Variants in THSD1 observed in about 807,000 individuals in gnomAD.
THSD1 encodes the protein thrombospondin type-1 domain-containing protein 1.
In THSD1, 34 loss-of-function variants were observed where a neutral mutation model predicts 46.3. That is an observed-to-expected ratio of 0.74 (90% confidence interval 0.56 to 0.98). The LOEUF (loss-of-function observed/expected upper bound fraction) is 0.98, where lower values mean the gene tolerates loss of function less well. Ranked by LOEUF, THSD1 falls within the 50% of genes least tolerant of loss-of-function variation. The pLI, the probability that THSD1 is intolerant of heterozygous loss-of-function variation, is 0.00. For synonymous variants in THSD1, 407 were observed against 416.5 expected, an observed-to-expected ratio of 0.98 and a Z score of 0.28; for missense variants, 1,023 against 1,058.3, an observed-to-expected ratio of 0.97 and a Z score of 0.46.
At chr13:52,390,316 A>C (rs1056923967) in intron 3 of THSD1, among the ~76,000 whole-genome samples, 3 of 152,138 alleles carry the variant, frequency 2.0e-5, no homozygotes, top group Non-Finnish European at 4.4e-5. Context: ...GCACTACAAA[A>C]CATAAAACGT....
rs1236407856 is a variant in THSD1, at chr13:52,378,049, C to T, written c.1921G>A (p.Glu641Lys). 2 of 1,614,120 alleles carry T rather than the reference C, an allele frequency of 1.2e-6. No homozygotes were observed. Among genetic ancestry groups the T allele is most frequent in the Non-Finnish European group, 1.7e-6 (2 of 1,180,038 alleles). Reference protein sequence around the residue: ...RHVGSRGGPSERSHARNAHFR... With the variant: ...RHVGSRGGPSKRSHARNAHFR... ...TGGGCGTTCCTGGCATGGCTCCTTT[C>T]GGACGGGCCCCCTCTGCTGCCCACG... The change falls in exon 5 of 5, where the codon GAA becomes AAA. Residue 641 changes from glutamate (E) to lysine (K), a missense_variant. Glu to Lys is a moderately conservative substitution (Grantham distance 56). This residue lies in a region of THSD1 where 578 missense variants were observed against 497.4 expected (regional missense o/e 1.16). Coordinates refer to ENST00000258613, the MANE Select transcript of THSD1 (RefSeq NM_018676.4).
At chr13:52,385,998 G>A in intron 4 of THSD1, 30 bp downstream of exon 4, 1 of 1,607,308 alleles carries the variant, frequency 6.2e-7, no homozygotes, top group South Asian at 1.1e-5. Flanking sequence ...GCTCTGAGGA[G>A]AGACTCCCGA....
intron 4 of THSD1, among the ~76,000 whole-genome samples, chr13:52,381,752 A>G (rs985347210): frequency 5.9e-5 from 9 of 152,094 alleles, no homozygotes; most frequent in African/African-American, 2.2e-4. Context: ...CTCAGCACAT[A>G]AACATACTCA....
At position 52,383,846 on chromosome 13, in the gene THSD1, G is replaced by A. The variant is rs1000409012; in HGVS notation, c.1180+2182C>T. Reference sequence around the variant, plus strand: ...ATTTACAGTAGGGGCAGGCAAGTCTGTAGGACTTACCTTTTTGCTAACTTA... The same window carrying A: ...ATTTACAGTAGGGGCAGGCAAGTCTATAGGACTTACCTTTTTGCTAACTTA... On this transcript the variant is annotated intron_variant, in intron 4 of 4. Transcript: ENST00000258613. Among the ~76,000 whole-genome samples the A allele has an allele frequency of 2.0e-5, 3 of 152,310 alleles. No homozygotes were observed. In the South Asian group the frequency reaches 6.2e-4, roughly 32 times the overall value.
chr13:52,392,126 A>T (rs1174066787), intron 3 of THSD1, among the ~76,000 whole-genome samples: 1 of 140,182 alleles, frequency 7.1e-6, no homozygotes, highest in Non-Finnish European at 1.5e-5. Flanking sequence ...CAGGAGACGG[A>T]GCTTGCGGTG....
At chr13:52,390,422 A>T (rs1957765224) in intron 3 of THSD1, among the ~76,000 whole-genome samples, 1 of 152,198 alleles carries the variant, frequency 6.6e-6, no homozygotes. Flanking sequence ...GGATTTTCAC[A>T]AGAGTGGGAG....
At position 52,377,634 on chromosome 13, in the gene THSD1, G is replaced by T. The variant is rs150440372; in HGVS notation, c.2336C>A (p.Ser779Tyr). 148 of 1,610,394 alleles carry T rather than the reference G, an allele frequency of 9.2e-5. No individual in the cohort carries two copies. The highest frequency in any genetic ancestry group is 1.2e-4 in the Non-Finnish European group (144 of 1,177,076). ...GACCCTCTGGTAGTTATCTTTGGGG[G>T]ATATGGGAGAAGACTGCTTCCTTGA... Reference protein sequence around the residue: ...SVSRKQSSPISPKDNYQRVSS... With the variant: ...SVSRKQSSPIYPKDNYQRVSS... The change falls in exon 5 of 5, where the codon TCC becomes TAC. Residue 779 changes from serine (S) to tyrosine (Y), a missense_variant. This residue lies in a region of THSD1 where 578 missense variants were observed against 497.4 expected (regional missense o/e 1.16). Transcript: ENST00000258613.
chr13:52,392,574 A>C (rs1427447309), intron 3 of THSD1, among the ~76,000 whole-genome samples: 1 of 152,266 alleles, frequency 6.6e-6, no homozygotes, highest in East Asian at 1.9e-4. Flanking sequence ...CTCACACTAC[A>C]TAACAAACCT....
intron 4 of THSD1, among the ~76,000 whole-genome samples, chr13:52,380,157 G>T (rs534273124): frequency 6.6e-6 from 1 of 152,064 alleles, no homozygotes; most frequent in African/African-American, 2.4e-5. Context: ...TCATCAAAAT[G>T]CAGGCACCAC....
chr13:52,401,458 C>T (rs1305785346), intron 2 of THSD1, among the ~76,000 whole-genome samples: 1 of 151,756 alleles, frequency 6.6e-6, no homozygotes, highest in Admixed American at 6.6e-5. Context: ...GCCACCACAT[C>T]CGGCTAATTT....
chr13:52,378,974 T>C (rs1175145981), intron 4 of THSD1, among the ~76,000 whole-genome samples, 185 bp from the exon 5 acceptor site: 3 of 151,060 alleles, frequency 2.0e-5, no homozygotes, highest in Non-Finnish European at 4.4e-5. Flanking sequence ...ACAATTCTCC[T>C]GCCTCAGCCT....
chr13:52,386,249 C>A, intron 3 of THSD1, 63 bp from the exon 4 acceptor site: 1 of 1,513,452 alleles, frequency 6.6e-7, no homozygotes, highest in Non-Finnish European at 9.0e-7. Flanking sequence ...TTAACTGCAC[C>A]CAAATGAAAC....
chr13:52,402,921 C>T (rs1429709184), intron 1 of THSD1: 2 of 985,430 alleles, frequency 2.0e-6, no homozygotes, highest in South Asian at 4.7e-5. Context: ...ATTATCTTTG[C>T]ACAACACCAA....
chr13:52,398,948 G>A (rs1957832293), intron 2 of THSD1, among the ~76,000 whole-genome samples: 1 of 152,166 alleles, frequency 6.6e-6, no homozygotes, highest in Non-Finnish European at 1.5e-5. Context: ...ATTATTTACT[G>A]ATATTCAAGA....
chr13:52,381,479 C>T (rs1957691613), intron 4 of THSD1, among the ~76,000 whole-genome samples: 1 of 152,220 alleles, frequency 6.6e-6, no homozygotes, highest in African/African-American at 2.4e-5. Flanking sequence ...CAATCCACTT[C>T]CTTAGCACTC....
intron 1 of THSD1, among the ~76,000 whole-genome samples, chr13:52,404,339 C>A (rs1385914284): frequency 6.6e-6 from 1 of 152,050 alleles, no homozygotes; most frequent in Non-Finnish European, 1.5e-5. Context: ...ATTAAGAAGA[C>A]TGATTGAAAT....
chr13:52,397,351 GTCC>G lies in THSD1; in HGVS notation c.899_901del (p.Arg300del), dbSNP rs759845571. ...GTCAAACAAAGTACAGTTAAAAATT[GTCC>G]TCCTCTCTCCCAGGGGCAGGCTGTT... On this transcript the variant is annotated inframe_deletion, in exon 3 of 5. Transcript: ENST00000258613. 2 of 1,614,058 alleles carry G rather than the reference GTCC, an allele frequency of 1.2e-6. No individual in the cohort carries two copies. Among genetic ancestry groups the G allele is most frequent in the African/African-American group, 1.3e-5 (1 of 75,016 alleles).
Position 52,377,818 on chromosome 13 carries a change from T to G in THSD1, c.2152A>C (p.Thr718Pro), listed in dbSNP as rs756929833. ...GGGAGAGGGTTTAATGGACCACGGGTTCCACTTGCCTCTTGGAAATGCTCC... is the reference window on the plus strand; with the variant it reads ...GGGAGAGGGTTTAATGGACCACGGGGTCCACTTGCCTCTTGGAAATGCTCC... ...KLEHFQEASG[T>P]RGPLNPLPKS... Residue 718 changes from threonine (T) to proline (P), a missense_variant, in exon 5 of 5, where the codon ACC (threonine) becomes CCC (proline). Coordinates refer to ENST00000258613, the MANE Select transcript of THSD1 (RefSeq NM_018676.4). 6 of 1,613,968 alleles carry G rather than the reference T, an allele frequency of 3.7e-6. No individual in the cohort carries two copies. The East Asian group carries it at 1.3e-4, about 36-fold the overall frequency.
chr13:52,405,899 C>T, intron 1 of THSD1, 132 bp downstream of exon 1: 1 of 152,338 alleles, frequency 6.6e-6, no homozygotes, highest in Non-Finnish European at 1.5e-5. Flanking sequence ...TGGGGAGGGG[C>T]CGCCACCGTC....
Sources: allele counts gnomAD v4.1 joint callset (sites outside exome capture counted in the v4.1 genomes callset), GRCh38; gene constraint gnomAD v4.1.1; regional missense constraint gnomAD v4.1.1; transcripts MANE v1.5; gene names NCBI Gene and HGNC (gene_info 2026-07-23, HGNC 2026-07-21).